The following LSAMP variants were observed in gnomAD, a reference collection of about 807,000 sequenced individuals.
LSAMP encodes limbic system-associated membrane protein.
In LSAMP, 7 loss-of-function variants were observed where a neutral mutation model predicts 38.6. The ratio of observed to expected loss-of-function variants is 0.18; its 90% CI spans 0.10 to 0.34. The LOEUF is 0.34. Ranked by LOEUF, LSAMP falls within the 10% of genes least tolerant of loss-of-function variation. The pLI is 1.00. For missense variants in LSAMP, 313 were observed against 420.0 expected, an observed-to-expected ratio of 0.75 and a Z score of 2.23; for synonymous variants, 154 against 166.8, an observed-to-expected ratio of 0.92 and a Z score of 0.59.
chr3:115,816,915 A>T (rs1384072785), intron 6 of LSAMP, among the ~76,000 whole-genome samples: 1 of 152,238 alleles, frequency 6.6e-6, no homozygotes, highest in East Asian at 1.9e-4. Context: ...GCATGTAGAC[A>T]AGTTCAAGAA....
At chr3:116,029,245 C>T (rs1178346125) in intron 2 of LSAMP, among the ~76,000 whole-genome samples, 2 of 152,122 alleles carry the variant, frequency 1.3e-5, no homozygotes, top group Non-Finnish European at 2.9e-5. Context: ...TCCACTAGCA[C>T]TAGTTCCCAC....
chr3:115,867,480 G>A (rs1935894662), intron 3 of LSAMP, among the ~76,000 whole-genome samples: 1 of 152,088 alleles, frequency 6.6e-6, no homozygotes, highest in Admixed American at 6.6e-5. Flanking sequence ...GGCAAACTTA[G>A]CAGTGGCTCT....
At chr3:116,421,676 G>GA (rs933250876) in intron 1 of LSAMP, among the ~76,000 whole-genome samples, 2 of 151,982 alleles carry the variant, frequency 1.3e-5, no homozygotes, top group African/African-American at 4.8e-5. Flanking sequence ...ATAAGTACAA[G>GA]AAAAAATGCA....
At chr3:115,816,619 T>C (rs1454922435) in intron 6 of LSAMP, 15 of 1,287,786 alleles carry the variant, frequency 1.2e-5, no homozygotes, top group Non-Finnish European at 1.5e-5. Context: ...CATACCTTTT[T>C]GCTTGAAGTG....
intron 6 of LSAMP, among the ~76,000 whole-genome samples, chr3:115,821,791 A>C (rs745544424): frequency 6.6e-6 from 1 of 152,174 alleles, no homozygotes; most frequent in African/African-American, 2.4e-5. Context: ...AAATGTAATA[A>C]AAGAAACAGA....
At chr3:116,386,365 A>G (rs966922471) in intron 1 of LSAMP, among the ~76,000 whole-genome samples, 2 of 152,176 alleles carry the variant, frequency 1.3e-5, no homozygotes, top group African/African-American at 4.8e-5. Flanking sequence ...CAACCATCTC[A>G]GGCAGACATT....
chr3:115,838,864 G>A (rs1399524189), intron 6 of LSAMP, among the ~76,000 whole-genome samples: 1 of 152,170 alleles, frequency 6.6e-6, no homozygotes, highest in Non-Finnish European at 1.5e-5. Flanking sequence ...TGGTGGATAC[G>A]GCTGAAAATG....
chr3:116,371,173 G>A (rs2048424654), intron 1 of LSAMP, among the ~76,000 whole-genome samples: 1 of 152,082 alleles, frequency 6.6e-6, no homozygotes, highest in African/African-American at 2.4e-5. Context: ...TATTTGAAGA[G>A]GAGGGAACAT....
chr3:116,432,659 G>A (rs1046407788), intron 1 of LSAMP, among the ~76,000 whole-genome samples: 2 of 152,028 alleles, frequency 1.3e-5, no homozygotes, highest in Admixed American at 1.3e-4. Context: ...AAAACGTAAA[G>A]CCACTTCACC....
At position 116,376,608 on chromosome 3, in the gene LSAMP, T is replaced by C. The variant is rs193052325; in HGVS notation, c.155+68269A>G. ...TGTAAGCATTTTTTTCTTAGTGCAG[T>C]TTTTACATTTAACTAACAAGAGTAG... On this transcript the variant is annotated intron_variant, in intron 1 of 6. Transcript: ENST00000490035. 6.6e-5 allele frequency among the ~76,000 whole-genome samples: 10 copies of C among 152,154 alleles called. No homozygotes were observed. In the East Asian group the frequency reaches 1.7e-3, roughly 26 times the overall value.
intron 3 of LSAMP, among the ~76,000 whole-genome samples, chr3:115,953,219 T>C (rs1438927665): frequency 6.6e-6 from 1 of 152,148 alleles, no homozygotes; most frequent in African/African-American, 2.4e-5. Flanking sequence ...TGAATTTTAT[T>C]TTTGCTGATA....
chr3:116,203,809 A>G (rs192746102), intron 1 of LSAMP, among the ~76,000 whole-genome samples: 1 of 152,176 alleles, frequency 6.6e-6, no homozygotes, highest in Admixed American at 6.5e-5. Context: ...ATTGTTGGAC[A>G]TTTGCGTTGG....
At chr3:116,178,096 CGTGTGTGT>C (rs10662261) in intron 1 of LSAMP, among the ~76,000 whole-genome samples, 5 of 150,038 alleles carry the variant, frequency 3.3e-5, no homozygotes, top group Non-Finnish European at 7.4e-5. Flanking sequence ...GTCTTGTGTA[CGTGTGTGT>C]GTGTGTGTGT....
chr3:116,187,408 T>A (rs555596714), intron 1 of LSAMP, among the ~76,000 whole-genome samples: 1 of 152,160 alleles, frequency 6.6e-6, no homozygotes, highest in Non-Finnish European at 1.5e-5. Flanking sequence ...ATACTAGCTA[T>A]CTCAAAGAAC....
chr3:116,285,204 T>C (rs1180753407), intron 1 of LSAMP, among the ~76,000 whole-genome samples: 2 of 152,114 alleles, frequency 1.3e-5, no homozygotes, highest in African/African-American at 4.8e-5. Flanking sequence ...CAGGTGATCT[T>C]TTAAAATGTA....
intron 3 of LSAMP, among the ~76,000 whole-genome samples, chr3:115,928,816 A>G (rs1448926811): frequency 2.6e-5 from 4 of 152,170 alleles, no homozygotes; most frequent in East Asian, 3.9e-4. Context: ...CAGTGAAAGG[A>G]AATTGAGAGA....
chr3:116,163,963 G>A (rs938866622), intron 1 of LSAMP, among the ~76,000 whole-genome samples: 20 of 152,246 alleles, frequency 1.3e-4, no homozygotes, highest in African/African-American at 4.6e-4. Flanking sequence ...CATACATGTT[G>A]AGGAGTCTCT....
intron 1 of LSAMP, among the ~76,000 whole-genome samples, chr3:116,350,988 TTTC>T (rs976985347): frequency 1.3e-5 from 2 of 152,062 alleles, no homozygotes; most frequent in African/African-American, 4.8e-5. Context: ...TCTTGAAACA[TTTC>T]TTCCACAGAG....
chr3:115,885,779 C>A (rs1936438307), intron 3 of LSAMP, among the ~76,000 whole-genome samples: 1 of 151,810 alleles, frequency 6.6e-6, no homozygotes, highest in Non-Finnish European at 1.5e-5. Flanking sequence ...AATACTCATG[C>A]AGGCTAATGC....
Sources: gnomAD v4.1 joint callset for allele counts (sites outside exome capture counted in the v4.1 genomes callset) on GRCh38, gnomAD v4.1.1 for gene constraint, MANE v1.5 for transcripts, NCBI Gene and HGNC (gene_info 2026-07-23, HGNC 2026-07-21) for gene names.